The following TTC21B variants were observed in gnomAD, a reference collection of about 807,000 sequenced individuals.
The protein encoded by TTC21B is tetratricopeptide repeat domain 21B, also known as tetratricopeptide repeat protein 21B.
Under a neutral mutation model 175.1 loss-of-function variants are expected in TTC21B, and 127 were observed. The ratio of observed to expected loss-of-function variants is 0.73; its 90% CI spans 0.63 to 0.84. The LOEUF is 0.84. TTC21B is among the 40% of genes least tolerant of loss of function. TTC21B has a pLI of 0.00. For synonymous variants in TTC21B, 524 were observed against 524.5 expected (o/e 1.00, Z 0.01); for missense variants, 1,561 against 1,558.3 (o/e 1.00, Z -0.03).
chr2:165,894,051 G>A (rs1338479538), intron 22 of TTC21B, among the ~76,000 whole-genome samples: 4 of 152,132 alleles, frequency 2.6e-5, no homozygotes, highest in East Asian at 1.9e-4. Flanking sequence ...ATGACCTGGA[G>A]CAGCCAGAAC....
intron 11 of TTC21B, among the ~76,000 whole-genome samples, chr2:165,927,779 A>G (rs1014932197): frequency 6.6e-6 from 1 of 152,124 alleles, no homozygotes; most frequent in Admixed American, 6.6e-5. Flanking sequence ...AAAAATAAAT[A>G]GTAATGAAAG....
At chr2:165,875,379 A>G (rs1478627925) in intron 28 of TTC21B, among the ~76,000 whole-genome samples, 1 of 152,054 alleles carries the variant, frequency 6.6e-6, no homozygotes, top group Non-Finnish European at 1.5e-5. Flanking sequence ...ATCAACAGCA[A>G]TTACTAAGGC....
At chr2:165,939,991 G>A (rs76910346) in intron 6 of TTC21B, among the ~76,000 whole-genome samples, 22 of 152,188 alleles carry the variant, frequency 1.4e-4, no homozygotes, top group East Asian at 7.7e-4. Context: ...TTCCTCTTAG[G>A]GTTACCCTAG....
At chr2:165,941,665 G>C (rs7596029) in intron 5 of TTC21B, among the ~76,000 whole-genome samples, 25,748 of 151,852 alleles carry the variant, frequency 0.17, 2,707 homozygotes, top group African/African-American at 0.29. Context: ...TCACTTCTAT[G>C]AATTATCTGA....
At chr2:165,911,546 T>A in intron 17 of TTC21B, 81 bp from the exon 18 acceptor site, 1 of 1,527,484 alleles carries the variant, frequency 6.5e-7, no homozygotes, top group Non-Finnish European at 9.1e-7. Flanking sequence ...ATTACAGACT[T>A]AAAGCATTGG....
intron 10 of TTC21B, among the ~76,000 whole-genome samples, 154 bp downstream of exon 10, chr2:165,929,496 G>A (rs1172753508): frequency 6.6e-6 from 1 of 152,004 alleles, no homozygotes; most frequent in East Asian, 1.9e-4. Flanking sequence ...GAAGAATAAA[G>A]TTTAGTTTTG....
intron 18 of TTC21B, among the ~76,000 whole-genome samples, chr2:165,908,890 T>C (rs1377411157): frequency 6.6e-6 from 1 of 152,140 alleles, no homozygotes; most frequent in African/African-American, 2.4e-5. Context: ...TCCATGCATA[T>C]ATTTTTATGG....
chr2:165,906,672 C>T (rs375389935), intron 19 of TTC21B, among the ~76,000 whole-genome samples: 1 of 151,984 alleles, frequency 6.6e-6, no homozygotes, highest in Non-Finnish European at 1.5e-5. Flanking sequence ...CAGCCGGGTG[C>T]GGTGGCTCAC....
At chr2:165,923,101 A>C (rs1686477120) in intron 12 of TTC21B, among the ~76,000 whole-genome samples, 1 of 152,142 alleles carries the variant, frequency 6.6e-6, no homozygotes, top group Admixed American at 6.5e-5. Flanking sequence ...GGATGGGAAG[A>C]GGGTGTGGGA....
Position 165,907,779 on chromosome 2 carries a change from C to G in TTC21B, c.2467G>C (p.Glu823Gln), listed in dbSNP as rs761138658. ...QHALAHEPVN[E>Q]LSALMEDGRC... ...CCATCCTCCATGAGAGCTGACAGTT[C>G]ATTTACTATGAAAGAATGGAATGTA... The change falls in exon 19 of 29, where the codon GAA (glutamate) becomes CAA (glutamine). Residue 823 changes from glutamate to glutamine, a missense_variant. Glu to Gln is a conservative substitution (Grantham distance 29). Transcript: ENST00000243344. 2.5e-6 allele frequency: 4 copies of G among 1,603,048 alleles called. No homozygotes were observed. Among genetic ancestry groups the G allele is most frequent in the Non-Finnish European group, 3.4e-6 (4 of 1,170,774 alleles).
chr2:165,916,296 T>C (rs529637797), intron 14 of TTC21B, among the ~76,000 whole-genome samples: 20 of 152,144 alleles, frequency 1.3e-4, no homozygotes, highest in Non-Finnish European at 2.9e-4. Flanking sequence ...AAATTCTTTG[T>C]GATTTGGCAA....
intron 4 of TTC21B, among the ~76,000 whole-genome samples, chr2:165,943,958 T>C (rs1212699104): frequency 6.6e-6 from 1 of 152,188 alleles, no homozygotes; most frequent in African/African-American, 2.4e-5. Flanking sequence ...GTTATTTTTC[T>C]CTTTAAGGTC....
intron 24 of TTC21B, 63 bp downstream of exon 24, chr2:165,890,416 T>C (rs1305952510): frequency 1.1e-5 from 17 of 1,493,740 alleles, no homozygotes; most frequent in Non-Finnish European, 1.5e-5. Context: ...TTTTGTATAG[T>C]ATCCCTGTTT....
chr2:165,941,301 A>C (rs1274737349), intron 5 of TTC21B, 117 bp from the exon 6 acceptor site: 1 of 1,151,828 alleles, frequency 8.7e-7, no homozygotes, highest in African/African-American at 1.6e-5. Context: ...AGGAGCAGTT[A>C]TCACTTTTTA....
Position 165,898,744 on chromosome 2 carries a change from T to C in TTC21B, c.2892A>G (p.Arg964=), listed in dbSNP as rs1158722370. 1.2e-6 allele frequency: 2 copies of C among 1,613,258 alleles called. No homozygotes were observed. Among genetic ancestry groups the C allele is most frequent in the African/African-American group, 2.7e-5 (2 of 74,924 alleles). ...ATMMMADLMF[R]KQDYEQAVFH... ...ACACTGCTTGTTCATAGTCTTGTTT[T>C]CTGAACATGAGATCAGCCATCATCT... is the stretch of plus-strand genomic sequence containing the variant. The change falls in exon 22 of 29, where the codon AGA becomes AGG. Residue 964 remains arginine, a synonymous_variant. Transcript: ENST00000243344.
At chr2:165,903,714 C>T (rs920011721) in intron 19 of TTC21B, among the ~76,000 whole-genome samples, 5 of 152,214 alleles carry the variant, frequency 3.3e-5, no homozygotes, top group Admixed American at 6.5e-5. Flanking sequence ...CCTAAATTTA[C>T]CATTTCCGTC....
At position 165,924,620 on chromosome 2, in the gene TTC21B, T is replaced by G; in HGVS notation, c.1445A>C (p.Glu482Ala). 6.2e-7 allele frequency: 1 copy of G among 1,613,834 alleles called. No homozygotes were observed. The highest frequency in any genetic ancestry group is 8.5e-7 in the Non-Finnish European group (1 of 1,179,842). ...PLLRRCISVL[E>A]TVVRTVPGLL... ...ACCTGGAACAGTTCTTACTACAGTC[T>G]CCAGGACTGAGATGCAACGCCTGAG... The change falls in exon 12 of 29, where the codon GAG becomes GCG. Residue 482 changes from glutamate (E) to alanine (A), a missense_variant. By Grantham distance (107) the Glu-to-Ala change is moderately radical. Coordinates refer to ENST00000243344, the MANE Select transcript of TTC21B (RefSeq NM_024753.5).
intron 14 of TTC21B, among the ~76,000 whole-genome samples, chr2:165,915,790 C>T (rs184547667): frequency 1.3e-5 from 2 of 152,172 alleles, no homozygotes; most frequent in Non-Finnish European, 1.5e-5. Context: ...TTATTCCCTC[C>T]ACCAGAACAC....
chr2:165,924,566 T>G lies in TTC21B; in HGVS notation c.1499A>C (p.Lys500Thr). 6.2e-7 allele frequency: 1 copy of G among 1,613,578 alleles called. No homozygotes were observed. The highest frequency in any genetic ancestry group is 8.5e-7 in the Non-Finnish European group (1 of 1,179,732). Residue 500 changes from lysine to threonine, a missense_variant, in exon 12 of 29, where the codon AAA (lysine) becomes ACA (threonine). By Grantham distance (78) the Lys-to-Thr change is moderately conservative. Transcript: ENST00000243344. ...TACTCTACCTGACAAATATTTCACT[T>G]TTGCTATTAGGAAGACTGTTTGCAG... ...GLLQTVFLIA[K>T]VKYLSGDIEA...
Sources: allele counts gnomAD v4.1 joint callset (sites outside exome capture counted in the v4.1 genomes callset), GRCh38; gene constraint gnomAD v4.1.1; transcripts MANE v1.5; gene names NCBI Gene and HGNC (gene_info 2026-07-23, HGNC 2026-07-21).